Variants in IL15 observed in about 807,000 individuals in gnomAD.
IL15 encodes interleukin-15.
In IL15, 11 loss-of-function variants were observed where a neutral mutation model predicts 19.6. The observed-to-expected ratio is 0.56, with a 90% CI of 0.35 to 0.93. The LOEUF is 0.93. Ranked by LOEUF, IL15 falls within the 40% of genes least tolerant of loss-of-function variation. The probability of loss-of-function intolerance (pLI) is 0.01; values close to 1 mark genes in which losing one functional copy is unlikely to be tolerated. For synonymous variants in IL15, 58 were observed against 59.6 expected (o/e 0.97, Z 0.12); for missense variants, 197 against 186.5 (o/e 1.06, Z -0.33).
intron 2 of IL15, among the ~76,000 whole-genome samples, chr4:141,675,379 A>G (rs1728308736): frequency 6.6e-6 from 1 of 152,214 alleles, no homozygotes; most frequent in South Asian, 2.1e-4. Context: ...ATTGTGGTAC[A>G]TACTAAACTA....
intron 1 of IL15, among the ~76,000 whole-genome samples, chr4:141,640,932 G>T (rs766970748): frequency 2.3e-4 from 35 of 152,188 alleles, no homozygotes; most frequent in Admixed American, 1.5e-3. Context: ...AAAATATGAT[G>T]GTTGTAAGGT....
At chr4:141,673,846 A>G (rs1476115248) in intron 2 of IL15, among the ~76,000 whole-genome samples, 2 of 152,084 alleles carry the variant, frequency 1.3e-5, no homozygotes, top group Non-Finnish European at 1.5e-5. Flanking sequence ...TTTTTATACC[A>G]TTTCTAATAT....
intron 2 of IL15, among the ~76,000 whole-genome samples, chr4:141,705,461 A>G (rs905387474): frequency 1.3e-5 from 2 of 152,044 alleles, no homozygotes; most frequent in African/African-American, 2.4e-5. Context: ...TATGATCTCT[A>G]TCTTCTTAAA....
intron 2 of IL15, among the ~76,000 whole-genome samples, chr4:141,684,067 T>C (rs2152173908): frequency 6.6e-6 from 1 of 152,244 alleles, no homozygotes; most frequent in East Asian, 1.9e-4. Flanking sequence ...AAAGACCCTG[T>C]TGGGGATATG....
At chr4:141,707,209 A>G (rs1729546238) in intron 2 of IL15, among the ~76,000 whole-genome samples, 2 of 151,836 alleles carry the variant, frequency 1.3e-5, no homozygotes, top group Non-Finnish European at 1.5e-5. Context: ...TTTCACTTGT[A>G]TTTTTTAAAT....
intron 2 of IL15, among the ~76,000 whole-genome samples, chr4:141,658,249 G>A (rs1443476843): frequency 1.3e-5 from 2 of 152,156 alleles, no homozygotes; most frequent in Admixed American, 6.5e-5. Flanking sequence ...CTTCTGCCAT[G>A]ATTTTGTTTC....
chr4:141,678,860 A>C (rs1444044723), intron 2 of IL15, among the ~76,000 whole-genome samples: 1 of 152,208 alleles, frequency 6.6e-6, no homozygotes, highest in Non-Finnish European at 1.5e-5. Flanking sequence ...CAGGCCTCCC[A>C]AAGTGTTGGG....
chr4:141,720,542 C>G lies in IL15; in HGVS notation c.86C>G (p.Ala29Gly), dbSNP rs965977651. The change falls in exon 4 of 8, where the codon GCT becomes GGT. Residue 29 changes from alanine (A) to glycine (G), a missense_variant. Coordinates refer to ENST00000320650, the MANE Select transcript of IL15 (RefSeq NM_000585.5). ...CTAAACAGTCATTTTCTAACTGAAGCTGGCATTCATGTCTTCATTTTGGGG... is the reference window on the plus strand; with the variant it reads ...CTAAACAGTCATTTTCTAACTGAAGGTGGCATTCATGTCTTCATTTTGGGG... ...LLLNSHFLTE[A>G]GIHVFILGCF... 24 of 1,576,550 alleles carry G rather than the reference C, an allele frequency of 1.5e-5. No individual in the cohort carries two copies. Among genetic ancestry groups the G allele is most frequent in the Non-Finnish European group, 2.1e-5 (24 of 1,146,298 alleles).
At position 141,720,503 on chromosome 4, in the gene IL15, A is replaced by G; in HGVS notation, c.47A>G (p.Tyr16Cys). Residue 16 changes from tyrosine to cysteine, a missense_variant, in exon 4 of 8, where the codon TAC becomes TGC. Physicochemically the swap from Tyr to Cys is radical, Grantham distance 194. Transcript: ENST00000320650. ...PHLRSISIQC[Y>C]LCLLLNSHFL... ...TTGAGAAGTATTTCCATCCAGTGCT[A>G]CTTGTGTTTACTTCTAAACAGTCAT... is the stretch of plus-strand genomic sequence containing the variant. 1 of 1,597,034 alleles carries G rather than the reference A, an allele frequency of 6.3e-7. No individual in the cohort carries two copies. The highest frequency in any genetic ancestry group is 2.2e-5 in the East Asian group (1 of 44,602).
At chr4:141,696,681 T>G (rs1729106606) in intron 2 of IL15, among the ~76,000 whole-genome samples, 1 of 152,052 alleles carries the variant, frequency 6.6e-6, no homozygotes. Flanking sequence ...GTAACTGGTT[T>G]TTGGTTACAA....
At chr4:141,680,623 G>A (rs1728502811) in intron 2 of IL15, among the ~76,000 whole-genome samples, 1 of 152,152 alleles carries the variant, frequency 6.6e-6, no homozygotes, top group African/African-American at 2.4e-5. Context: ...AGCTGTGCTT[G>A]CCTTTTGTAT....
chr4:141,660,543 A>T (rs1727750652), intron 2 of IL15, among the ~76,000 whole-genome samples: 1 of 152,226 alleles, frequency 6.6e-6, no homozygotes, highest in Non-Finnish European at 1.5e-5. Flanking sequence ...TGCCGTAATT[A>T]CTAGAAGGCA....
chr4:141,704,602 TAGTTTGAGG>T, intron 2 of IL15: 1 of 389,202 alleles, frequency 2.6e-6, no homozygotes, highest in Non-Finnish European at 5.2e-6. Context: ...TTTTCTTCAG[TAGTTTGAGG>T]AGAATTGGTG....
chr4:141,720,684 A>G (rs1315002557), intron 4 of IL15, 118 bp downstream of exon 4: 4 of 702,494 alleles, frequency 5.7e-6, no homozygotes, highest in Admixed American at 2.5e-5. Flanking sequence ...GGTACTCAGT[A>G]TCTGGGGGAT....
rs370260970 is a variant in IL15, at chr4:141,655,081, G to A, written c.-221-1105G>A. On this transcript the variant is annotated intron_variant, in intron 1 of 7. Transcript: ENST00000320650. ...GGACCTTCCATTTGGGAATCAGATG[G>A]GTCTAAATGCCCATCCTATGTCATT... Among the ~76,000 whole-genome samples the A allele has an allele frequency of 5.3e-5, 8 of 152,164 alleles. No individual in the cohort carries two copies. The East Asian group carries it at 9.7e-4, about 18-fold the overall frequency.
chr4:141,692,651 C>A (rs1728952866), intron 2 of IL15, among the ~76,000 whole-genome samples: 1 of 152,028 alleles, frequency 6.6e-6, no homozygotes, highest in African/African-American at 2.4e-5. Context: ...GGGAAAAATG[C>A]CACCAGTGTC....
chr4:141,683,450 A>T lies in IL15; in HGVS notation c.-100+27143A>T, dbSNP rs192795813. ...GCCTGGCATGGCGGTGTGCACCTGT[A>T]GTCCCAGATACTCGGAAGGCTGAGG... On this transcript the variant is annotated intron_variant, in intron 2 of 7. Coordinates refer to ENST00000320650, the MANE Select transcript of IL15 (RefSeq NM_000585.5). 2.5e-3 allele frequency among the ~76,000 whole-genome samples: 385 copies of T among 151,834 alleles called. 2 individuals carry two copies. Among genetic ancestry groups the T allele is most frequent in the South Asian group, 0.023 (111 of 4,808 alleles).
chr4:141,712,530 G>A (rs1729745852), intron 2 of IL15, among the ~76,000 whole-genome samples: 1 of 151,062 alleles, frequency 6.6e-6, no homozygotes, highest in Non-Finnish European at 1.5e-5. Flanking sequence ...CTACATAAAT[G>A]AATATCCCTT....
At chr4:141,664,236 C>A (rs1348848335) in intron 2 of IL15, among the ~76,000 whole-genome samples, 2 of 151,766 alleles carry the variant, frequency 1.3e-5, no homozygotes, top group African/African-American at 2.4e-5. Context: ...ATTTCAAAAA[C>A]CCCCAAATAA....
Sources: allele counts gnomAD v4.1 joint callset (sites outside exome capture counted in the v4.1 genomes callset), GRCh38; gene constraint gnomAD v4.1.1; transcripts MANE v1.5; gene names NCBI Gene and HGNC (gene_info 2026-07-23, HGNC 2026-07-21).